Variants in INTS6 observed in about 807,000 individuals in gnomAD.
INTS6 encodes the protein integrator complex subunit 6.
In INTS6, 16 loss-of-function variants were observed where a neutral mutation model predicts 104.9. The observed-to-expected ratio is 0.15, with a 90% CI of 0.10 to 0.23. The LOEUF (loss-of-function observed/expected upper bound fraction) is 0.23, where lower values mean the gene tolerates loss of function less well. Ranked by LOEUF, INTS6 falls within the 10% of genes least tolerant of loss-of-function variation. The pLI is 1.00. For synonymous variants in INTS6, 324 were observed against 358.7 expected (o/e 0.90, Z 1.09); for missense variants, 584 against 1,062.8 (o/e 0.55, Z 6.26).
chr13:51,431,794 C>T (rs1475881990), intron 3 of INTS6, among the ~76,000 whole-genome samples: 1 of 152,070 alleles, frequency 6.6e-6, no homozygotes, highest in African/African-American at 2.4e-5. Flanking sequence ...TAGATATAAT[C>T]TCTAGAAGAT....
chr13:51,381,528 T>A (rs1308980434), intron 10 of INTS6, among the ~76,000 whole-genome samples: 1 of 152,202 alleles, frequency 6.6e-6, no homozygotes, highest in Non-Finnish European at 1.5e-5. Context: ...AATGTTCTCA[T>A]GATCATGATC....
chr13:51,343,364 G>C, the INTS6 span, among the ~76,000 whole-genome samples: 3 of 152,234 alleles, frequency 2.0e-5, no homozygotes, highest in Non-Finnish European at 4.4e-5. Context: ...GTACGCCACT[G>C]TGTCTGGACT....
At chr13:51,351,988 A>G (rs554109832), downstream of INTS6, among the ~76,000 whole-genome samples, 76 of 152,204 alleles carry the variant, frequency 5.0e-4, 1 homozygote, top group Non-Finnish European at 9.3e-4. Context: ...ATTCTATCCT[A>G]TAGGCATAGA....
chr13:51,374,639 A>G lies in INTS6; in HGVS notation c.1872+15T>C, dbSNP rs368938953. 1 of 1,612,244 alleles carries G rather than the reference A, an allele frequency of 6.2e-7. No individual in the cohort carries two copies. The highest frequency in any genetic ancestry group is 1.3e-5 in the African/African-American group (1 of 74,868). ...TACCATAAACAAATTACATAATAGA[A>G]CATTTCAAAATTACCTTCTTATCCA... On this transcript the variant is annotated intron_variant, in intron 14 of 17. Transcript: ENST00000311234.
Position 51,378,382 on chromosome 13 carries a change from G to A in INTS6, c.1459C>T (p.Arg487Trp), listed in dbSNP as rs146380686. The A allele has an allele frequency of 3.6e-5, 58 of 1,613,292 alleles. 1 individual carries two copies. In the East Asian group the frequency reaches 5.4e-4, roughly 15 times the overall value. Residue 487 changes from arginine to tryptophan, a missense_variant, in exon 12 of 18, where the codon CGG becomes TGG. Arg to Trp is a moderately radical substitution (Grantham distance 101). This residue lies in a region of INTS6 where 74 missense variants were observed against 64.4 expected (regional missense o/e 1.15). Coordinates refer to ENST00000311234, the MANE Select transcript of INTS6 (RefSeq NM_012141.3). Reference sequence around the variant, plus strand: ...ATTGATAAACCATGTGATCGGCTCCGGACTTTTATTCCAGTCTCCTGTACT... The same window carrying A: ...ATTGATAAACCATGTGATCGGCTCCAGACTTTTATTCCAGTCTCCTGTACT... The part of the protein sequence containing the change: ...KVVQETGIKV[R>W]SRSHGLSMAY...
chr13:51,444,800 C>CTTTTT (rs748460031), intron 3 of INTS6: 5 of 112,134 alleles, frequency 4.5e-5, no homozygotes, highest in East Asian at 2.6e-4. Flanking sequence ...TTTCATTTTT[C>CTTTTT]TTTTTTTTTT....
intron 5 of INTS6, among the ~76,000 whole-genome samples, chr13:51,389,692 T>C (rs1436646668): frequency 6.6e-6 from 1 of 152,278 alleles, no homozygotes; most frequent in South Asian, 2.1e-4. Context: ...ATTACAGGTA[T>C]TTGGAACATA....
chr13:51,408,664 ATC>A (rs1956622214), intron 4 of INTS6, among the ~76,000 whole-genome samples: 1 of 152,330 alleles, frequency 6.6e-6, no homozygotes. Flanking sequence ...AAAAATAATA[ATC>A]TCTTTCTTGA....
Position 51,362,024 on chromosome 13 carries a change from C to T in INTS6, c.*3728G>A, listed in dbSNP as rs765525140. The T allele has an allele frequency of 6.2e-7, 1 of 1,602,596 alleles. No individual in the cohort carries two copies. The highest frequency in any genetic ancestry group is 1.1e-5 in the South Asian group (1 of 88,976). ...TGTTTTTATGGTGCTTCAGAAGCTACCCAGTTGCTATCTTCTATCCTAAGA... is the reference window on the plus strand; with the variant it reads ...TGTTTTTATGGTGCTTCAGAAGCTATCCAGTTGCTATCTTCTATCCTAAGA... On this transcript the variant is annotated 3_prime_UTR_variant, in exon 18 of 18. Coordinates refer to ENST00000311234, the MANE Select transcript of INTS6 (RefSeq NM_012141.3).
chr13:51,360,737 T>C (rs1955561416), downstream of INTS6, among the ~76,000 whole-genome samples: 1 of 152,074 alleles, frequency 6.6e-6, no homozygotes, highest in African/African-American at 2.4e-5. Flanking sequence ...GACACATTCA[T>C]ATTACTCTGA....
chr13:51,441,539 T>A (rs1455808076), intron 3 of INTS6: 1 of 152,104 alleles, frequency 6.6e-6, no homozygotes, highest in East Asian at 1.9e-4. Context: ...AAAACTACCT[T>A]AAGTTAAATG....
At chr13:51,347,962 C>A in the INTS6 span, among the ~76,000 whole-genome samples, 5 of 152,102 alleles carry the variant, frequency 3.3e-5, no homozygotes, top group Non-Finnish European at 4.4e-5. Flanking sequence ...ATCGTCCCCC[C>A]CCCCATACCC....
chr13:51,376,886 A>G (rs565309719), intron 12 of INTS6, among the ~76,000 whole-genome samples: 15 of 152,264 alleles, frequency 9.9e-5, no homozygotes, highest in African/African-American at 3.6e-4. Flanking sequence ...GACTGTTACA[A>G]GTTTTTGGCT....
intron 4 of INTS6, among the ~76,000 whole-genome samples, chr13:51,408,509 A>G (rs1956619279): frequency 1.3e-5 from 2 of 152,204 alleles, no homozygotes; most frequent in Non-Finnish European, 2.9e-5. Context: ...CTTAAAAATT[A>G]TAAAGGAAAA....
chr13:51,414,316 C>T (rs1189121667), intron 4 of INTS6, among the ~76,000 whole-genome samples: 2 of 152,212 alleles, frequency 1.3e-5, no homozygotes, highest in African/African-American at 4.8e-5. Flanking sequence ...TATTTTTAAA[C>T]CAGCTATTTT....
rs1330246134 is a variant in INTS6 at position 51,450,322 on chromosome 13, A to G, written c.339+703T>C. ...TCCTTAGTGAATTATTGTTGATTTA[A>G]AGCTCCTCTCATCCTCAAATACATG... On this transcript the variant is annotated intron_variant, in intron 3 of 17. Transcript: ENST00000311234. 1.0e-5 allele frequency: 10 copies of G among 985,392 alleles called. No individual in the cohort carries two copies. The African/African-American group carries it at 1.4e-4, about 14-fold the overall frequency. 61.0% of individuals were successfully genotyped at this position (985,392 alleles called of 1,614,324 possible). A position where few individuals can be genotyped will look rare whatever the true frequency, so the allele number is the denominator to read the frequency against.
At chr13:51,357,988 G>A (rs916308271), downstream of INTS6, among the ~76,000 whole-genome samples, 19 of 152,252 alleles carry the variant, frequency 1.2e-4, no homozygotes, top group African/African-American at 3.9e-4. Context: ...TGGAAGTTAT[G>A]TAAGTTAACT....
intron 13 of INTS6, 152 bp downstream of exon 13, chr13:51,375,896 G>A (rs1395457432): frequency 1.6e-6 from 1 of 612,518 alleles, no homozygotes; most frequent in African/African-American, 1.9e-5. Context: ...ACAGAATCAG[G>A]GATGATTCAC....
At chr13:51,436,681 CATT>C (rs1390920157) in intron 3 of INTS6, 1 of 151,974 alleles carries the variant, frequency 6.6e-6, no homozygotes, top group Non-Finnish European at 1.5e-5. Flanking sequence ...ATAATAATAA[CATT>C]AGGGAAATTC....
Sources: gnomAD v4.1 joint callset for allele counts (sites outside exome capture counted in the v4.1 genomes callset) on GRCh38, gnomAD v4.1.1 for gene constraint, gnomAD v4.1.1 regional missense constraint, MANE v1.5 for transcripts, NCBI Gene and HGNC (gene_info 2026-07-23, HGNC 2026-07-21) for gene names.